Variants in SOX5 observed in about 807,000 individuals in gnomAD.
SOX5 encodes transcription factor SOX-5.
A neutral mutation model predicts 92.0 loss-of-function variants in SOX5; 9 were observed. The observed-to-expected ratio is 0.10, with a 90% CI of 0.06 to 0.17. The LOEUF is 0.17. Ranked by LOEUF, SOX5 falls within the 10% of genes least tolerant of loss-of-function variation. SOX5 has a pLI of 1.00. For synonymous variants in SOX5, 344 were observed against 336.3 expected (o/e 1.02, Z -0.25); for missense variants, 642 against 944.5 (o/e 0.68, Z 4.20).
chr12:24,332,118 A>C (rs187179396), intron 2 of SOX5, among the ~76,000 whole-genome samples: 2 of 152,266 alleles, frequency 1.3e-5, no homozygotes, highest in East Asian at 3.9e-4. Flanking sequence ...GAACACAAGA[A>C]AAAGATAAAT....
intron 3 of SOX5, among the ~76,000 whole-genome samples, chr12:24,229,304 T>C (rs1476314418): frequency 6.6e-6 from 1 of 152,248 alleles, no homozygotes. Flanking sequence ...TAGCCCCGGT[T>C]TGATTCTCAT....
rs117607431 is a variant in SOX5 at position 23,799,948 on chromosome 12, C to T, written c.482-44224G>A. Among the ~76,000 whole-genome samples the T allele has an allele frequency of 8.3e-3, 1,266 of 151,970 alleles. 36 individuals are homozygous for T. The highest frequency in any genetic ancestry group is 0.043 in the Admixed American group (651 of 15,250). ...AATTTTCAATAATGTAAGTTCAATG[C>T]CAATCTTCCAAAGATATTGAGCTAA... On this transcript the variant is annotated intron_variant, in intron 3 of 14. Transcript: ENST00000451604.
At chr12:23,738,866 C>T (rs1263101067) in intron 5 of SOX5, among the ~76,000 whole-genome samples, 1 of 152,114 alleles carries the variant, frequency 6.6e-6, no homozygotes, top group Non-Finnish European at 1.5e-5. Flanking sequence ...GGCAAGCATT[C>T]TGAACTCTTT....
chr12:24,076,566 T>C (rs1370885905), intron 4 of SOX5, among the ~76,000 whole-genome samples: 1 of 152,170 alleles, frequency 6.6e-6, no homozygotes, highest in Non-Finnish European at 1.5e-5. Context: ...CCTATGTCAC[T>C]TGCCCCTTGC....
intron 3 of SOX5, among the ~76,000 whole-genome samples, chr12:23,841,980 T>A (rs200780713): frequency 6.6e-6 from 1 of 151,910 alleles, no homozygotes. Flanking sequence ...AGCAAAATTT[T>A]AAAAAATCAT....
chr12:23,843,870 G>A (rs1323508080), intron 3 of SOX5, among the ~76,000 whole-genome samples: 1 of 152,056 alleles, frequency 6.6e-6, no homozygotes, highest in Non-Finnish European at 1.5e-5. Context: ...AGCCTTGGCA[G>A]TTATTTCTTT....
chr12:24,132,762 GA>G (rs1464627060), intron 4 of SOX5, among the ~76,000 whole-genome samples: 2 of 152,022 alleles, frequency 1.3e-5, no homozygotes, highest in African/African-American at 4.8e-5. Flanking sequence ...AAACACGACA[GA>G]ACTCATAAAC....
chr12:23,544,837 T>G (rs185974780), intron 12 of SOX5, among the ~76,000 whole-genome samples: 2 of 152,302 alleles, frequency 1.3e-5, no homozygotes, highest in African/African-American at 4.8e-5. Flanking sequence ...TATGGCAACA[T>G]CTTCCTAAAA....
chr12:24,454,531 A>G (rs1159487944), intron 1 of SOX5, among the ~76,000 whole-genome samples: 1 of 152,220 alleles, frequency 6.6e-6, no homozygotes, highest in Non-Finnish European at 1.5e-5. Flanking sequence ...TGCATTCTAT[A>G]GTAACAGATG....
At chr12:24,287,592 CTTTTTTTT>C (rs763973565) in intron 2 of SOX5, among the ~76,000 whole-genome samples, 10,608 of 80,226 alleles carry the variant, frequency 0.13, 484 homozygotes, top group Middle Eastern at 0.18. Flanking sequence ...TTCTCAAATC[CTTTTTTTT>C]TTTTTTTTTT....
intron 2 of SOX5, among the ~76,000 whole-genome samples, chr12:24,294,974 A>G (rs1199879710): frequency 6.6e-6 from 1 of 152,206 alleles, no homozygotes; most frequent in Admixed American, 6.5e-5. Context: ...CATTGACACA[A>G]TGAAGTATAG....
At chr12:23,909,381 T>A (rs1428393455) in intron 1 of SOX5, among the ~76,000 whole-genome samples, 7 of 152,300 alleles carry the variant, frequency 4.6e-5, no homozygotes, top group South Asian at 4.1e-4. Context: ...TTCATTCTCA[T>A]CATTTGTTAG....
At chr12:24,376,689 C>CTTTTTTTTTTTTTTTTTTTTTTTTTTTTT (rs1480014070) in intron 1 of SOX5, among the ~76,000 whole-genome samples, 2 of 93,084 alleles carry the variant, frequency 2.1e-5, no homozygotes, top group Non-Finnish European at 2.1e-5. Context: ...GGGAGAGATA[C>CTTTTTTTTTTTTTTTTTTTTTTTTTTTTT]CTTTTTTTTT....
intron 3 of SOX5, among the ~76,000 whole-genome samples, chr12:23,758,465 C>T (rs185738220): frequency 4.4e-4 from 67 of 151,396 alleles, no homozygotes; most frequent in African/African-American, 6.3e-4. Context: ...ATTTAGAGGG[C>T]TAAGGGCTAA....
rs146198172 is a variant in SOX5, at chr12:24,160,222, T to C, written c.-2+53121A>G. Among the ~76,000 whole-genome samples, 274 of 152,198 alleles carry C rather than the reference T, an allele frequency of 1.8e-3. 2 individuals are homozygous for C. Among genetic ancestry groups the C allele is most frequent in the African/African-American group, 6.3e-3 (261 of 41,576 alleles). On this transcript the variant is annotated intron_variant, in intron 4 of 4. Transcript: ENST00000446891. Reference sequence around the variant, plus strand: ...ATGAATACATAAGAAATTACTTGAATGTAGTTAGACATGTTAAATTTTACA... The same window carrying C: ...ATGAATACATAAGAAATTACTTGAACGTAGTTAGACATGTTAAATTTTACA...
At chr12:24,030,185 AT>A (rs1407577420) in intron 4 of SOX5, among the ~76,000 whole-genome samples, 4 of 151,870 alleles carry the variant, frequency 2.6e-5, no homozygotes, top group Non-Finnish European at 4.4e-5. Flanking sequence ...AAATAATACT[AT>A]TTTTTTGATA....
rs142637017 is a variant in SOX5, at chr12:24,455,448, T to C, written c.-250-86809A>G. ...CAAGAGCCACAGCTGTTGATAATGG[T>C]GCCTTTGAAGAGATGTGTATGAGAG... is the stretch of plus-strand genomic sequence containing the variant. On this transcript the variant is annotated intron_variant, in intron 1 of 4. Transcript: ENST00000446891. 4.6e-5 allele frequency among the ~76,000 whole-genome samples: 7 copies of C among 152,332 alleles called. No homozygotes were observed. The East Asian group carries it at 1.4e-3, about 29-fold the overall frequency.
At chr12:24,281,250 A>C (rs927334067) in intron 2 of SOX5, among the ~76,000 whole-genome samples, 20 of 151,364 alleles carry the variant, frequency 1.3e-4, no homozygotes, top group Admixed American at 5.9e-4. Context: ...AAAAAAAAAA[A>C]AAAAAAACTG....
intron 3 of SOX5, among the ~76,000 whole-genome samples, chr12:24,217,936 A>G (rs1001353799): frequency 1.3e-5 from 2 of 152,226 alleles, no homozygotes; most frequent in African/African-American, 2.4e-5. Flanking sequence ...ATGCCACTAT[A>G]TATCCACTAG....
Sources: gnomAD v4.1 joint callset for allele counts (sites outside exome capture counted in the v4.1 genomes callset) on GRCh38, gnomAD v4.1.1 for gene constraint, MANE v1.5 for transcripts, NCBI Gene and HGNC (gene_info 2026-07-23, HGNC 2026-07-21) for gene names.